Variants in BABAM2 observed in about 807,000 individuals in gnomAD.
The protein encoded by BABAM2 is BRISC and BRCA1 A complex member 2, also known as BRISC and BRCA1-A complex member 2.
A neutral mutation model predicts 54.7 loss-of-function variants in BABAM2; 31 were observed. The ratio of observed to expected loss-of-function variants is 0.57; its 90% CI spans 0.43 to 0.77. The LOEUF is 0.77. Among genes scored for constraint, BABAM2 ranks in the 30% least tolerant of loss-of-function variants. The probability of loss-of-function intolerance (pLI) is 0.00; values close to 1 mark genes in which losing one functional copy is unlikely to be tolerated. For missense variants in BABAM2, 364 were observed against 455.8 expected (o/e 0.80, Z 1.83); for synonymous variants, 167 against 162.9 (o/e 1.03, Z -0.19).
chr2:27,900,347 A>C (rs1214309138), intron 2 of BABAM2, among the ~76,000 whole-genome samples: 1 of 152,054 alleles, frequency 6.6e-6, no homozygotes, highest in East Asian at 1.9e-4. Flanking sequence ...AATAGGCAAG[A>C]ACCTAATCGA....
rs577407155 is a variant in BABAM2 at position 28,147,473 on chromosome 2, A to G, written c.680+18093A>G. ...AAAGTTATAATTTTTCCCTTTAGGA[A>G]AATCTTTTTTTTTTTTTGGAGACGG... On this transcript the variant is annotated intron_variant, in intron 7 of 11. Coordinates refer to ENST00000379624, the MANE Select transcript of BABAM2 (RefSeq NM_199191.3). Among the ~76,000 whole-genome samples, 4 of 152,162 alleles carry G rather than the reference A, an allele frequency of 2.6e-5. No homozygotes were observed. The East Asian group carries it at 7.7e-4, about 29-fold the overall frequency.
intron 10 of BABAM2, 79 bp downstream of exon 10, chr2:28,244,941 C>T: frequency 8.4e-7 from 1 of 1,184,394 alleles, no homozygotes; most frequent in Non-Finnish European, 1.2e-6. Context: ...AGTACTAGAA[C>T]CTTTTCTGTC....
chr2:27,987,079 G>T (rs556443121), intron 3 of BABAM2, among the ~76,000 whole-genome samples: 6 of 152,212 alleles, frequency 3.9e-5, no homozygotes, highest in Non-Finnish European at 8.8e-5. Context: ...CTATATGCTG[G>T]ACACTGCTAG....
intron 11 of BABAM2, chr2:28,307,812 A>T (rs561321214): frequency 2.0e-5 from 3 of 146,538 alleles, no homozygotes; most frequent in Non-Finnish European, 4.5e-5. Flanking sequence ...CATTTCCTCT[A>T]AAAAAAAAAC....
At chr2:28,102,333 A>G (rs1318551205) in intron 6 of BABAM2, among the ~76,000 whole-genome samples, 1 of 152,172 alleles carries the variant, frequency 6.6e-6, no homozygotes, top group Non-Finnish European at 1.5e-5. Flanking sequence ...ATCCTTGGTT[A>G]CTCCACTGAA....
intron 6 of BABAM2, among the ~76,000 whole-genome samples, chr2:28,083,476 C>G (rs1665361390): frequency 6.6e-6 from 1 of 151,996 alleles, no homozygotes; most frequent in African/African-American, 2.4e-5. Flanking sequence ...TATTTTGGGC[C>G]CTTTGTATGG....
At chr2:28,149,627 C>T (rs919095259) in intron 7 of BABAM2, among the ~76,000 whole-genome samples, 3 of 152,154 alleles carry the variant, frequency 2.0e-5, no homozygotes, top group Admixed American at 6.5e-5. Context: ...GGTTTTCCTG[C>T]GCTCTTTCCA....
rs1467773242 is a variant in BABAM2, at chr2:28,244,848, G to A, written c.920G>A (p.Cys307Tyr). Residue 307 changes from cysteine to tyrosine, a missense_variant, in exon 10 of 12, where the codon TGT becomes TAT. By Grantham distance (194) the Cys-to-Tyr change is radical. Transcript: ENST00000379624. ...LTLLLMWKDF[C>Y]FLVHIDLPLF... Reference sequence around the variant, plus strand: ...CTGCTGCTGATGTGGAAAGATTTTTGTTTTCTTGTACACAGTGAGTATACT... The same window carrying A: ...CTGCTGCTGATGTGGAAAGATTTTTATTTTCTTGTACACAGTGAGTATACT... 6.2e-7 allele frequency: 1 copy of A among 1,613,618 alleles called. No individual in the cohort carries two copies. The highest frequency in any genetic ancestry group is 8.5e-7 in the Non-Finnish European group (1 of 1,179,876).
At chr2:27,889,394 T>C (rs773272034), upstream of BABAM2, among the ~76,000 whole-genome samples, 10 of 152,206 alleles carry the variant, frequency 6.6e-5, no homozygotes, top group South Asian at 2.1e-4. Context: ...CAAAGTAGCA[T>C]TACAACTGAA....
chr2:27,996,127 G>C (rs1168076808), intron 4 of BABAM2, among the ~76,000 whole-genome samples: 1 of 152,114 alleles, frequency 6.6e-6, no homozygotes, highest in African/African-American at 2.4e-5. Context: ...CCATCATGTG[G>C]TTCTGTTTTT....
intron 11 of BABAM2, among the ~76,000 whole-genome samples, chr2:28,301,897 A>G (rs765604066): frequency 2.6e-5 from 4 of 152,232 alleles, no homozygotes; most frequent in African/African-American, 7.2e-5. Context: ...TTTATATACA[A>G]TGGAGTGGAC....
intron 10 of BABAM2, among the ~76,000 whole-genome samples, chr2:28,246,367 C>A (rs575192092): frequency 2.6e-5 from 4 of 152,214 alleles, no homozygotes; most frequent in Admixed American, 1.3e-4. Context: ...CTTTACCTTA[C>A]GACCTTGGTC....
chr2:28,116,910 A>G (rs1668662967), intron 6 of BABAM2, among the ~76,000 whole-genome samples: 1 of 152,234 alleles, frequency 6.6e-6, no homozygotes, highest in Non-Finnish European at 1.5e-5. Flanking sequence ...TATAGCTAGA[A>G]GATCATCATA....
chr2:28,206,325 G>A (rs963456156), intron 7 of BABAM2, among the ~76,000 whole-genome samples: 3 of 152,128 alleles, frequency 2.0e-5, no homozygotes, highest in African/African-American at 7.2e-5. Context: ...AGGAATTTGT[G>A]TGTAATTCAG....
intron 7 of BABAM2, among the ~76,000 whole-genome samples, chr2:28,190,279 T>C (rs1370942573): frequency 6.6e-6 from 1 of 152,214 alleles, no homozygotes; most frequent in Non-Finnish European, 1.5e-5. Context: ...TTTTGGAGAC[T>C]GGGAAGTCCA....
chr2:27,990,176 G>A lies in BABAM2; in HGVS notation c.300+2089G>A, dbSNP rs148809546. On this transcript the variant is annotated intron_variant, in intron 4 of 11. Transcript: ENST00000379624. Reference sequence around the variant, plus strand: ...ACCCAGGGCTTCTTCATGGATCAGCGGGCTGAGCAAGCCCAGATAAGCAAC... The same window carrying A: ...ACCCAGGGCTTCTTCATGGATCAGCAGGCTGAGCAAGCCCAGATAAGCAAC... 6.3e-3 allele frequency among the ~76,000 whole-genome samples: 961 copies of A among 152,198 alleles called. 7 individuals carry two copies. The highest frequency in any genetic ancestry group is 7.8e-3 in the Non-Finnish European group (533 of 68,016).
chr2:28,054,662 C>T (rs1404984518), intron 6 of BABAM2, among the ~76,000 whole-genome samples: 1 of 152,226 alleles, frequency 6.6e-6, no homozygotes, highest in Non-Finnish European at 1.5e-5. Context: ...AACAGGCCCT[C>T]ACCAGACACC....
rs184596674 is a variant in BABAM2, at chr2:28,051,228, T to C, written c.570+5429T>C. Among the ~76,000 whole-genome samples the C allele has an allele frequency of 3.3e-4, 50 of 152,330 alleles. 1 individual carries two copies. The highest frequency in any genetic ancestry group is 6.8e-3 in the Middle Eastern group (2 of 294). ...TACACAGCTTCCCAAAATGTGCGTT[T>C]AATCTCAGAAAGGCAACTATCCGCA... On this transcript the variant is annotated intron_variant, in intron 6 of 11. Transcript: ENST00000379624.
intron 6 of BABAM2, among the ~76,000 whole-genome samples, chr2:28,122,593 A>G (rs1400043631): frequency 6.6e-6 from 1 of 152,130 alleles, no homozygotes; most frequent in Non-Finnish European, 1.5e-5. Context: ...GATTTGCAGT[A>G]TTTCTTGTTC....
Sources: gnomAD v4.1 joint callset for allele counts (sites outside exome capture counted in the v4.1 genomes callset) on GRCh38, gnomAD v4.1.1 for gene constraint, MANE v1.5 for transcripts, NCBI Gene and HGNC (gene_info 2026-07-23, HGNC 2026-07-21) for gene names.